Variants in STX6 observed in about 807,000 individuals in gnomAD.
STX6 encodes syntaxin-6.
In STX6, 23 loss-of-function variants were observed where a neutral mutation model predicts 38.0. The ratio of observed to expected loss-of-function variants is 0.60; its 90% CI spans 0.43 to 0.86. The LOEUF is 0.86. Among genes scored for constraint, STX6 ranks in the 40% least tolerant of loss-of-function variants. The probability of loss-of-function intolerance (pLI) is 0.00; values close to 1 mark genes in which losing one functional copy is unlikely to be tolerated. For synonymous variants in STX6, 123 were observed against 107.5 expected, an observed-to-expected ratio of 1.14 and a Z score of -0.89; for missense variants, 274 against 312.9, an observed-to-expected ratio of 0.88 and a Z score of 0.94.
At chr1:180,994,403 C>G (rs1476492697) in intron 3 of STX6, among the ~76,000 whole-genome samples, 1 of 152,242 alleles carries the variant, frequency 6.6e-6, no homozygotes, top group African/African-American at 2.4e-5. Context: ...CAAACACTCA[C>G]TGATGTCTAC....
At chr1:181,007,939 T>C (rs946493680) in intron 1 of STX6, among the ~76,000 whole-genome samples, 1 of 152,366 alleles carries the variant, frequency 6.6e-6, no homozygotes, top group Admixed American at 6.5e-5. Flanking sequence ...TCAATAAATG[T>C]GGATTCTCAT....
chr1:180,986,712 G>A lies in STX6; in HGVS notation c.596+1527C>T, dbSNP rs140449627. On this transcript the variant is annotated intron_variant, in intron 6 of 7. Coordinates refer to ENST00000258301, the MANE Select transcript of STX6 (RefSeq NM_005819.6). The stretch of plus-strand genomic sequence containing the variant: ...ACAGGTGTGAACCACCATGCCCAGC[G>A]GTTTCATGCCCTTAAAAACAAACCC... 2.5e-3 allele frequency among the ~76,000 whole-genome samples: 387 copies of A among 152,128 alleles called. 1 individual carries two copies. The highest frequency in any genetic ancestry group is 9.0e-3 in the African/African-American group (372 of 41,476).
At position 181,022,622 on chromosome 1, in the gene STX6, GCTCGGCCGACA is replaced by G. The variant is rs1656774986; in HGVS notation, c.35+6_35+16del. ...CCGCCACCTCTTCCTCCGGTGGAGC[GCTCGGCCGACA>G]CTCACCCTTTCACCACAAAGAAGGG... On this transcript the variant is annotated splice_donor_region_variant and intron_variant, in intron 1 of 7. Coordinates refer to ENST00000258301, the MANE Select transcript of STX6 (RefSeq NM_005819.6). The G allele has an allele frequency of 6.2e-7, 1 of 1,606,472 alleles. No homozygotes were observed. The highest frequency in any genetic ancestry group is 8.5e-7 in the Non-Finnish European group (1 of 1,176,802).
intron 2 of STX6, among the ~76,000 whole-genome samples, chr1:181,003,133 C>T (rs976605834): frequency 2.6e-5 from 4 of 152,220 alleles, no homozygotes; most frequent in Non-Finnish European, 4.4e-5. Context: ...CTAGAGAGAT[C>T]GGGCCTTCTT....
intron 6 of STX6, among the ~76,000 whole-genome samples, chr1:180,985,114 T>C (rs1004698175): frequency 6.6e-6 from 1 of 151,022 alleles, no homozygotes; most frequent in Admixed American, 6.6e-5. Flanking sequence ...GTAAGGTTTT[T>C]CTGTAACATG....
chr1:181,021,624 T>C (rs1313140502), intron 1 of STX6, among the ~76,000 whole-genome samples: 2 of 152,214 alleles, frequency 1.3e-5, no homozygotes, highest in African/African-American at 4.8e-5. Flanking sequence ...ATTTTTCATG[T>C]TTGACATTTA....
In STX6 at chr1:180,976,627, G is replaced by A; in HGVS notation, c.711C>T (p.Ala237=). ...ACAGGACTGCAAAGAGGATGGCTAT[G>A]GCACACCATTGGCGCCGATCTGGAA... ...HMTSDRRQWC[A]IAILFAVLLV... is the part of the protein sequence containing the mutation. The change falls in exon 8 of 8, where the codon GCC becomes GCT. Residue 237 remains alanine, a synonymous_variant. Coordinates refer to ENST00000258301, the MANE Select transcript of STX6 (RefSeq NM_005819.6). 1 of 1,613,594 alleles carries A rather than the reference G, an allele frequency of 6.2e-7. No individual in the cohort carries two copies. The highest frequency in any genetic ancestry group is 8.5e-7 in the Non-Finnish European group (1 of 1,180,014).
intron 1 of STX6, among the ~76,000 whole-genome samples, chr1:181,017,858 C>T (rs1656608442): frequency 6.6e-6 from 1 of 152,024 alleles, no homozygotes; most frequent in African/African-American, 2.4e-5. Flanking sequence ...ATGCATCAAA[C>T]GCTTTGCTGT....
chr1:180,981,193 T>C (rs1020553010), intron 7 of STX6, among the ~76,000 whole-genome samples: 17 of 152,100 alleles, frequency 1.1e-4, no homozygotes, highest in African/African-American at 3.4e-4. Flanking sequence ...TGATTAATGA[T>C]GTGTTAGCGT....
chr1:180,988,099 T>C, intron 6 of STX6, 140 bp downstream of exon 6: 1 of 595,922 alleles, frequency 1.7e-6, no homozygotes, highest in South Asian at 2.0e-5. Context: ...GGCTAATCTG[T>C]AAAACAGAAT....
intron 1 of STX6, 150 bp downstream of exon 1, chr1:181,022,489 G>A (rs901268707): frequency 1.1e-5 from 8 of 747,510 alleles, no homozygotes; most frequent in South Asian, 1.7e-5. Flanking sequence ...CTTGACGCTT[G>A]GTCATGGCCC....
At chr1:180,979,588 C>T (rs1186667369) in intron 7 of STX6, among the ~76,000 whole-genome samples, 1 of 152,204 alleles carries the variant, frequency 6.6e-6, no homozygotes, top group Non-Finnish European at 1.5e-5. Flanking sequence ...TTATCAAACT[C>T]CTGGAAGAAA....
chr1:180,994,030 T>G (rs1655830461), intron 3 of STX6, among the ~76,000 whole-genome samples: 2 of 152,204 alleles, frequency 1.3e-5, no homozygotes, highest in Admixed American at 6.5e-5. Context: ...ATTCCTAACA[T>G]CAGAGTGAAT....
chr1:181,022,311 G>A (rs550321202), intron 1 of STX6, among the ~76,000 whole-genome samples: 2 of 152,312 alleles, frequency 1.3e-5, no homozygotes, highest in South Asian at 2.1e-4. Context: ...TAGACGGCCA[G>A]TGTGCGCCAG....
chr1:181,018,300 T>C (rs1656621333), intron 1 of STX6, among the ~76,000 whole-genome samples: 1 of 145,618 alleles, frequency 6.9e-6, no homozygotes, highest in Admixed American at 7.2e-5. Context: ...GGAGAATCGC[T>C]TGAACCCAAG....
chr1:181,002,782 A>T, intron 2 of STX6, 82 bp from the exon 3 acceptor site: 1 of 919,248 alleles, frequency 1.1e-6, no homozygotes, highest in East Asian at 2.5e-5. Flanking sequence ...TCTCACATGC[A>T]AACAAATAAA....
chr1:181,005,493 A>C, intron 1 of STX6, 30 bp from the exon 2 acceptor site: 2 of 1,597,120 alleles, frequency 1.3e-6, no homozygotes, highest in Non-Finnish European at 1.7e-6. Context: ...AAGGAGAGAA[A>C]TCACAGACAA....
intron 7 of STX6, among the ~76,000 whole-genome samples, chr1:180,982,614 G>C (rs1419872595): frequency 6.6e-6 from 1 of 152,230 alleles, no homozygotes; most frequent in African/African-American, 2.4e-5. Flanking sequence ...CAAAGACAGT[G>C]CATCTTTGTT....
chr1:181,022,759 C>G lies in STX6; in HGVS notation c.-86G>C. 7.4e-7 allele frequency: 1 copy of G among 1,350,798 alleles called. No homozygotes were observed. The highest frequency in any genetic ancestry group is 1.4e-5 in the African/African-American group (1 of 69,018). 83.7% of individuals were successfully genotyped at this position (1,350,798 alleles called of 1,614,324 possible). A position where few individuals can be genotyped will look rare whatever the true frequency, so the allele number is the denominator to read the frequency against. ...CTCCCTCCGCCCACCCCGCCTGTTC[C>G]CGCAGCTGCCCGCGCCTTAGTCTGG... is the stretch of plus-strand genomic sequence containing the variant. On this transcript the variant is annotated 5_prime_UTR_variant, in exon 1 of 8. Coordinates refer to ENST00000258301, the MANE Select transcript of STX6 (RefSeq NM_005819.6).
Sources: gnomAD v4.1 joint callset for allele counts (sites outside exome capture counted in the v4.1 genomes callset) on GRCh38, gnomAD v4.1.1 for gene constraint, MANE v1.5 for transcripts, NCBI Gene and HGNC (gene_info 2026-07-23, HGNC 2026-07-21) for gene names.